ANO6: variants seen among roughly 807,000 people sequenced by gnomAD.
ANO6 encodes the protein anoctamin-6.
In ANO6, 106 loss-of-function variants were observed where a neutral mutation model predicts 117.5. The ratio of observed to expected loss-of-function variants is 0.90; its 90% CI spans 0.77 to 1.06. The LOEUF (loss-of-function observed/expected upper bound fraction) is 1.06, where lower values mean the gene tolerates loss of function less well. Among genes scored for constraint, ANO6 ranks in the 50% least tolerant of loss-of-function variants. ANO6 has a pLI of 0.00. For missense variants in ANO6, 955 were observed against 1,121.1 expected, an observed-to-expected ratio of 0.85 and a Z score of 2.12; for synonymous variants, 367 against 385.1, an observed-to-expected ratio of 0.95 and a Z score of 0.55.
downstream of ANO6, among the ~76,000 whole-genome samples, chr12:45,436,822 A>G (rs957292497): frequency 6.6e-6 from 1 of 152,164 alleles, no homozygotes; most frequent in African/African-American, 2.4e-5. Context: ...ACAAAAAATT[A>G]GCCGTGTGTG....
At chr12:45,269,001 C>A (rs750667103) in intron 1 of ANO6, among the ~76,000 whole-genome samples, 1 of 152,138 alleles carries the variant, frequency 6.6e-6, no homozygotes, top group Non-Finnish European at 1.5e-5. Flanking sequence ...TGGTGGAGAC[C>A]AGGACGCCTG....
chr12:45,384,077 C>G (rs1277404564), intron 10 of ANO6, among the ~76,000 whole-genome samples: 5 of 152,250 alleles, frequency 3.3e-5, no homozygotes, highest in African/African-American at 1.2e-4. Context: ...CCAGTTAGCA[C>G]TTGCTACTTC....
intron 1 of ANO6, among the ~76,000 whole-genome samples, chr12:45,251,098 C>T (rs1346672855): frequency 1.3e-5 from 2 of 151,856 alleles, no homozygotes; most frequent in Non-Finnish European, 2.9e-5. Context: ...ACAAAAAAAC[C>T]CAAAATAGTG....
In ANO6 at chr12:45,421,049, CTTTG is replaced by C. The variant is rs777936854; in HGVS notation, c.2218-18_2218-15del. 95 of 1,612,292 alleles carry C rather than the reference CTTTG, an allele frequency of 5.9e-5. 1 individual carries two copies. The South Asian group carries it at 8.8e-4, about 15-fold the overall frequency. The stretch of plus-strand genomic sequence containing the variant: ...ACAAAAAACTATAACTTCATTTTCG[CTTTG>C]TTTTTCTCCCAAAATAGGCCATGAT... On this transcript the variant is annotated intron_variant, in intron 17 of 19. Coordinates refer to ENST00000320560, the MANE Select transcript of ANO6 (RefSeq NM_001025356.3).
chr12:45,334,817 A>T (rs1326552783), intron 3 of ANO6, among the ~76,000 whole-genome samples: 1 of 152,064 alleles, frequency 6.6e-6, no homozygotes, highest in South Asian at 2.1e-4. Context: ...TGTTTTACAT[A>T]AAACAAATTC....
At chr12:45,408,637 G>A (rs1240644186) in intron 15 of ANO6, among the ~76,000 whole-genome samples, 2 of 152,082 alleles carry the variant, frequency 1.3e-5, no homozygotes, top group African/African-American at 4.8e-5. Context: ...AATAGGAATT[G>A]GACCTATTTT....
chr12:45,370,745 G>T (rs1306853627), intron 9 of ANO6, among the ~76,000 whole-genome samples: 1 of 152,158 alleles, frequency 6.6e-6, no homozygotes, highest in Non-Finnish European at 1.5e-5. Flanking sequence ...GAAATATGTG[G>T]TCTTATGGAA....
At chr12:45,238,805 GT>G (rs1263895905) in intron 1 of ANO6, among the ~76,000 whole-genome samples, 1 of 152,114 alleles carries the variant, frequency 6.6e-6, no homozygotes, top group Admixed American at 6.5e-5. Context: ...TAATCATGTG[GT>G]TTTTGTCATT....
chr12:45,374,725 T>C (rs1267751643), intron 9 of ANO6, among the ~76,000 whole-genome samples: 3 of 148,304 alleles, frequency 2.0e-5, no homozygotes, highest in Non-Finnish European at 4.5e-5. Context: ...GAGCTATCTA[T>C]GACAAACCCA....
chr12:45,408,465 G>GA (rs1044550938), intron 15 of ANO6, among the ~76,000 whole-genome samples: 8 of 151,990 alleles, frequency 5.3e-5, no homozygotes, highest in Non-Finnish European at 7.4e-5. Flanking sequence ...CTGAGATAGG[G>GA]AAAAAAACAT....
At chr12:45,427,521 C>A (rs948853505) in intron 19 of ANO6, among the ~76,000 whole-genome samples, 2 of 152,132 alleles carry the variant, frequency 1.3e-5, no homozygotes, top group Non-Finnish European at 2.9e-5. Context: ...CATATCCAGA[C>A]TAATCTACAG....
At position 45,331,293 on chromosome 12, in the gene ANO6, A is replaced by C; in HGVS notation, c.151-2A>C. On this transcript the variant is annotated splice_acceptor_variant, in intron 2 of 19. Coordinates refer to ENST00000320560, the MANE Select transcript of ANO6 (RefSeq NM_001025356.3). LOFTEE classifies it high-confidence loss of function. ...TACAATTTGTTTTTCTGTTTTACAC[A>C]GGAAGAATTTAATGGAAAACCTGAC... The C allele has an allele frequency of 6.2e-7, 1 of 1,606,700 alleles. No individual in the cohort carries two copies. Among genetic ancestry groups the C allele is most frequent in the Non-Finnish European group, 8.5e-7 (1 of 1,176,246 alleles).
intron 2 of ANO6, among the ~76,000 whole-genome samples, chr12:45,308,048 A>T (rs74656527): frequency 1.3e-4 from 9 of 69,302 alleles, no homozygotes; most frequent in Non-Finnish European, 2.0e-4. Context: ...TGTGTGTGTA[A>T]TTTTTTTTTT....
At chr12:45,333,136 AT>A (rs1223208839) in intron 3 of ANO6, among the ~76,000 whole-genome samples, 1 of 152,022 alleles carries the variant, frequency 6.6e-6, no homozygotes, top group Non-Finnish European at 1.5e-5. Context: ...CTATATAATT[AT>A]GGTTAAGATT....
chr12:45,223,602 A>G (rs1324606718), intron 1 of ANO6, among the ~76,000 whole-genome samples: 1 of 152,088 alleles, frequency 6.6e-6, no homozygotes, highest in East Asian at 1.9e-4. Flanking sequence ...TGCAGTTAGC[A>G]TTCATCCTGT....
At chr12:45,417,423 G>A (rs915260275) in intron 17 of ANO6, among the ~76,000 whole-genome samples, 2 of 152,130 alleles carry the variant, frequency 1.3e-5, no homozygotes, top group African/African-American at 4.8e-5. Context: ...AAAGGAGGAA[G>A]GTGGGTGGGT....
intron 8 of ANO6, among the ~76,000 whole-genome samples, chr12:45,367,169 A>T (rs1941707610): frequency 6.6e-6 from 1 of 152,148 alleles, no homozygotes; most frequent in Admixed American, 6.5e-5. Flanking sequence ...TTTAGTAGAG[A>T]CAGGGTTTTG....
chr12:45,421,037 A>C, intron 17 of ANO6, 34 bp from the exon 18 acceptor site: 1 of 1,605,430 alleles, frequency 6.2e-7, no homozygotes, highest in Non-Finnish European at 8.5e-7. Context: ...AAAAACTATA[A>C]CTTCATTTTC....
chr12:45,390,275 CA>C lies in ANO6; in HGVS notation c.1309-140del, dbSNP rs755173804. The C allele has an allele frequency of 2.5e-5, 18 of 714,398 alleles. No individual in the cohort carries two copies. In the Admixed American group the frequency reaches 4.1e-4, roughly 16 times the overall value. The allele number at this position is 714,398 out of a possible 1,614,324, so 44.3% of individuals were successfully genotyped here. ...TGATGTGTGACTTTGAAATTGTTAA[CA>C]AAAAAGTGCAATTATGAGTAAGGAG... On this transcript the variant is annotated intron_variant, in intron 11 of 19. Coordinates refer to ENST00000320560, the MANE Select transcript of ANO6 (RefSeq NM_001025356.3).
Sources: gnomAD v4.1 joint callset for allele counts (sites outside exome capture counted in the v4.1 genomes callset) on GRCh38, gnomAD v4.1.1 for gene constraint, MANE v1.5 for transcripts, NCBI Gene and HGNC (gene_info 2026-07-23, HGNC 2026-07-21) for gene names.